Variants in TLN2 observed in about 807,000 individuals in gnomAD.
The protein encoded by TLN2 is talin-2.
A neutral mutation model predicts 294.7 loss-of-function variants in TLN2; 118 were observed. The ratio of observed to expected loss-of-function variants is 0.40; its 90% CI spans 0.34 to 0.47. The LOEUF (loss-of-function observed/expected upper bound fraction) is 0.47, where lower values mean the gene tolerates loss of function less well. TLN2 is among the 20% of genes least tolerant of loss of function. The probability of loss-of-function intolerance (pLI) is 0.84; values close to 1 mark genes in which losing one functional copy is unlikely to be tolerated. For synonymous variants in TLN2, 1,431 were observed against 1,304.5 expected (o/e 1.10, Z -2.09); for missense variants, 3,083 against 3,282.2 (o/e 0.94, Z 1.48).
chr15:62,657,416 G>A (rs1424394218), intron 8 of TLN2, among the ~76,000 whole-genome samples: 1 of 152,132 alleles, frequency 6.6e-6, no homozygotes, highest in Non-Finnish European at 1.5e-5. Flanking sequence ...ATTGTAAAAA[G>A]TACACTGTAT....
chr15:62,463,612 G>A lies in TLN2; in HGVS notation c.-238+72927G>A, dbSNP rs535155001. Among the ~76,000 whole-genome samples, 12 of 152,310 alleles carry A rather than the reference G, an allele frequency of 7.9e-5. No individual in the cohort carries two copies. The East Asian group carries it at 1.9e-3, about 25-fold the overall frequency. On this transcript the variant is annotated intron_variant, in intron 1 of 58. Transcript: ENST00000636159. ...TTAAAAAGTCAGGAAACAGGCCGGCGCGGTGCCTCACGCCTGTAATCCCAG... is the reference window on the plus strand; with the variant it reads ...TTAAAAAGTCAGGAAACAGGCCGGCACGGTGCCTCACGCCTGTAATCCCAG...
chr15:62,758,367 G>A (rs1197151138), intron 37 of TLN2, among the ~76,000 whole-genome samples: 10 of 152,210 alleles, frequency 6.6e-5, no homozygotes, highest in South Asian at 2.1e-4. Context: ...TAACCACAGC[G>A]GCTGTCTCTC....
At chr15:62,453,978 C>G (rs1190894892) in intron 1 of TLN2, among the ~76,000 whole-genome samples, 1 of 152,152 alleles carries the variant, frequency 6.6e-6, no homozygotes, top group Non-Finnish European at 1.5e-5. Flanking sequence ...CAGGCCCACC[C>G]CCAGGTGCCA....
chr15:62,475,561 G>T (rs556144490), intron 1 of TLN2, among the ~76,000 whole-genome samples: 1 of 152,052 alleles, frequency 6.6e-6, no homozygotes, highest in East Asian at 1.9e-4. Flanking sequence ...TCTGGTCTTG[G>T]GTGGGTAAAC....
intron 1 of TLN2, among the ~76,000 whole-genome samples, chr15:62,583,774 G>A (rs545610571): frequency 3.9e-5 from 6 of 152,110 alleles, no homozygotes; most frequent in African/African-American, 1.4e-4. Flanking sequence ...TAGAGTTCCT[G>A]TTCTCATGGA....
chr15:62,458,152 G>A (rs113174950), intron 1 of TLN2, among the ~76,000 whole-genome samples: 3 of 152,272 alleles, frequency 2.0e-5, no homozygotes, highest in Non-Finnish European at 2.9e-5. Flanking sequence ...CGCCACCTCT[G>A]CAGTGGTGTG....
At chr15:62,587,579 C>T (rs989743730) in intron 1 of TLN2, among the ~76,000 whole-genome samples, 2 of 152,306 alleles carry the variant, frequency 1.3e-5, no homozygotes, top group African/African-American at 2.4e-5. Context: ...GTTTACTCAA[C>T]ATGTCTCATA....
intron 1 of TLN2, among the ~76,000 whole-genome samples, chr15:62,484,448 C>T (rs776997041): frequency 9.2e-5 from 14 of 151,570 alleles, no homozygotes; most frequent in East Asian, 3.9e-4. Flanking sequence ...TTTTTTGAGA[C>T]GGAGTCTTGC....
chr15:62,458,377 C>G (rs954982152), intron 1 of TLN2, among the ~76,000 whole-genome samples: 1 of 152,120 alleles, frequency 6.6e-6, no homozygotes, highest in Non-Finnish European at 1.5e-5. Context: ...CGACTTGGCT[C>G]CTTGTGCCTT....
chr15:62,667,816 A>T (rs1316230112), intron 9 of TLN2, among the ~76,000 whole-genome samples: 1 of 152,250 alleles, frequency 6.6e-6, no homozygotes, highest in East Asian at 1.9e-4. Flanking sequence ...CTTAAATTTT[A>T]CATAAGAAAA....
chr15:62,512,533 T>C (rs890161792), intron 1 of TLN2, among the ~76,000 whole-genome samples: 3 of 152,202 alleles, frequency 2.0e-5, no homozygotes, highest in Non-Finnish European at 2.9e-5. Flanking sequence ...AAGATACTTA[T>C]AGTAGACTTA....
chr15:62,631,645 C>CCTTCTT (rs1555451397), intron 3 of TLN2, among the ~76,000 whole-genome samples: 199 of 64,522 alleles, frequency 3.1e-3, no homozygotes, highest in Non-Finnish European at 4.9e-3. Context: ...CTTTCTCTTT[C>CCTTCTT]TTTCCTTCTT....
intron 1 of TLN2, among the ~76,000 whole-genome samples, chr15:62,454,719 G>C (rs1313530496): frequency 6.6e-6 from 1 of 152,134 alleles, no homozygotes; most frequent in Admixed American, 6.5e-5. Flanking sequence ...GGAGGGTTTA[G>C]TTTTGAGCAG....
At chr15:62,567,765 G>T (rs2043530148) in intron 1 of TLN2, among the ~76,000 whole-genome samples, 1 of 152,144 alleles carries the variant, frequency 6.6e-6, no homozygotes, top group Non-Finnish European at 1.5e-5. Flanking sequence ...CTTGTACCTG[G>T]GAGGTGGAGG....
chr15:62,736,758 T>C, intron 28 of TLN2, 120 bp from the exon 29 acceptor site: 1 of 1,110,696 alleles, frequency 9.0e-7, no homozygotes, highest in South Asian at 1.6e-5. Context: ...ATTCAAATTT[T>C]ATGAAGACTA....
At chr15:62,581,120 T>A (rs555752324) in intron 1 of TLN2, among the ~76,000 whole-genome samples, 1 of 152,238 alleles carries the variant, frequency 6.6e-6, no homozygotes, top group East Asian at 1.9e-4. Flanking sequence ...CCTCAAGTGA[T>A]CCGCCTGCCT....
intron 1 of TLN2, among the ~76,000 whole-genome samples, chr15:62,437,518 G>C (rs2035343460): frequency 6.6e-6 from 1 of 152,030 alleles, no homozygotes; most frequent in Non-Finnish European, 1.5e-5. Flanking sequence ...GATTATAGGT[G>C]TGAGACATGA....
At chr15:62,491,060 G>A (rs1352820822) in intron 1 of TLN2, among the ~76,000 whole-genome samples, 6 of 152,182 alleles carry the variant, frequency 3.9e-5, no homozygotes, top group African/African-American at 1.2e-4. Context: ...GGTGGCTCAC[G>A]CCTGTAATCC....
chr15:62,763,990 G>A (rs1438847140), intron 40 of TLN2, among the ~76,000 whole-genome samples: 1 of 152,174 alleles, frequency 6.6e-6, no homozygotes, highest in Non-Finnish European at 1.5e-5. Flanking sequence ...GGGGTACGGT[G>A]GGTACCGTGT....
Sources: gnomAD v4.1 joint callset for allele counts (sites outside exome capture counted in the v4.1 genomes callset) on GRCh38, gnomAD v4.1.1 for gene constraint, MANE v1.5 for transcripts, NCBI Gene and HGNC (gene_info 2026-07-23, HGNC 2026-07-21) for gene names.